The following USO1 variants were observed in gnomAD, a reference collection of about 807,000 sequenced individuals.
The protein encoded by USO1 is USO1 vesicle transport factor, also known as general vesicular transport factor p115.
Under a neutral mutation model 124.5 loss-of-function variants are expected in USO1, and 57 were observed. That is an observed-to-expected ratio of 0.46 (90% CI 0.37 to 0.57). The LOEUF (loss-of-function observed/expected upper bound fraction) is 0.57. Ranked by LOEUF, USO1 falls within the 20% of genes least tolerant of loss-of-function variation. The pLI is 0.00. For synonymous variants in USO1, 369 were observed against 362.8 expected (o/e 1.02, Z -0.19); for missense variants, 900 against 1,040.6 (o/e 0.86, Z 1.86).
At chr4:75,752,688 T>C (rs1301772790) in intron 3 of USO1, 84 bp downstream of exon 3, 3 of 374,574 alleles carry the variant, frequency 8.0e-6, no homozygotes, top group Non-Finnish European at 1.4e-5. Flanking sequence ...AAAAGATTGC[T>C]TTTTTTTTGG....
At chr4:75,734,499 G>A (rs1232703201) in intron 1 of USO1, among the ~76,000 whole-genome samples, 1 of 152,002 alleles carries the variant, frequency 6.6e-6, no homozygotes, top group South Asian at 2.1e-4. Flanking sequence ...CTCCATGTCT[G>A]TAATAGGCTG....
chr4:75,794,050 GA>G, intron 13 of USO1, 149 bp downstream of exon 13: 1 of 1,283,054 alleles, frequency 7.8e-7, no homozygotes. Flanking sequence ...GTTTTGTGGA[GA>G]AAAAGCAATA....
At chr4:75,784,970 A>G (rs1174650505) in intron 9 of USO1, among the ~76,000 whole-genome samples, 1 of 152,168 alleles carries the variant, frequency 6.6e-6, no homozygotes, top group Non-Finnish European at 1.5e-5. Flanking sequence ...GAAGACCGTA[A>G]ACTCCAAAGC....
At chr4:75,741,128 A>G (rs564365277) in intron 1 of USO1, among the ~76,000 whole-genome samples, 7 of 152,286 alleles carry the variant, frequency 4.6e-5, no homozygotes, top group South Asian at 4.1e-4. Flanking sequence ...GGTGTAGCCT[A>G]TTGCTCTTGG....
At chr4:75,775,389 A>G (rs1187741441) in intron 8 of USO1, among the ~76,000 whole-genome samples, 1 of 152,150 alleles carries the variant, frequency 6.6e-6, no homozygotes, top group Non-Finnish European at 1.5e-5. Context: ...AAATACAAAA[A>G]TTAGCTGGGC....
intron 1 of USO1, among the ~76,000 whole-genome samples, chr4:75,732,693 A>G (rs1263222720): frequency 1.3e-5 from 2 of 151,570 alleles, no homozygotes; most frequent in Admixed American, 6.6e-5. Context: ...CCTGGCCAAC[A>G]TGGTGAAACC....
chr4:75,751,185 ATTATTTTATT>A (rs1236361958), intron 1 of USO1, among the ~76,000 whole-genome samples: 3 of 150,660 alleles, frequency 2.0e-5, no homozygotes, highest in Non-Finnish European at 3.0e-5. Context: ...GTTTCTATAA[ATTATTTTATT>A]TTATTTTATT....
chr4:75,745,347 T>C, intron 1 of USO1: 2 of 520,058 alleles, frequency 3.8e-6, no homozygotes, highest in South Asian at 1.4e-5. Context: ...TCAGGGTGTT[T>C]AGTAGACAGT....
intron 1 of USO1, among the ~76,000 whole-genome samples, chr4:75,749,244 A>G (rs1721226944): frequency 6.6e-6 from 1 of 152,190 alleles, no homozygotes; most frequent in African/African-American, 2.4e-5. Context: ...GAATCTATTA[A>G]TATCTTCTGG....
At chr4:75,772,697 T>G (rs879128973) in intron 7 of USO1, among the ~76,000 whole-genome samples, 1 of 152,194 alleles carries the variant, frequency 6.6e-6, no homozygotes, top group Admixed American at 6.5e-5. Flanking sequence ...TGTCCTGCAA[T>G]TTAAATAAGA....
At chr4:75,761,312 T>A (rs1272150090) in intron 4 of USO1, among the ~76,000 whole-genome samples, 1 of 152,144 alleles carries the variant, frequency 6.6e-6, no homozygotes, top group Non-Finnish European at 1.5e-5. Flanking sequence ...CTTGGGAGAC[T>A]AAAGTGGGAA....
At chr4:75,799,833 C>A in intron 14 of USO1, 101 bp downstream of exon 14, 1 of 1,366,632 alleles carries the variant, frequency 7.3e-7, no homozygotes, top group Non-Finnish European at 1.0e-6. Flanking sequence ...TTTGAATTCT[C>A]CACTATCTTA....
intron 4 of USO1, among the ~76,000 whole-genome samples, chr4:75,759,698 C>T (rs1208224898): frequency 6.6e-6 from 1 of 151,288 alleles, no homozygotes; most frequent in South Asian, 2.1e-4. Flanking sequence ...CACCTGAGGT[C>T]AGGAGTTCAA....
chr4:75,758,256 A>G (rs1206709842), intron 4 of USO1, among the ~76,000 whole-genome samples: 2 of 152,196 alleles, frequency 1.3e-5, no homozygotes, highest in Non-Finnish European at 2.9e-5. Context: ...ACATTTCACA[A>G]TTCTGTTGAA....
rs544984728 is a variant in USO1, at chr4:75,805,212, G to T, written c.2198G>T (p.Gly733Val). Residue 733 changes from glycine to valine, a missense_variant, in exon 19 of 24, where the codon GGT (glycine) becomes GTT (valine). By Grantham distance (109) the Gly-to-Val change is moderately radical. Coordinates refer to ENST00000514213, the MANE Select transcript of USO1 (RefSeq NM_003715.4). ...AATGGCATTCAGCCAGAAGAAATTGGTAGATTGCGAGAAGAGATAGAAGAA... is the reference window on the plus strand; with the variant it reads ...AATGGCATTCAGCCAGAAGAAATTGTTAGATTGCGAGAAGAGATAGAAGAA... ...QMNGIQPEEI[G>V]RLREEIEELK... 1 of 1,613,334 alleles carries T rather than the reference G, an allele frequency of 6.2e-7. No individual in the cohort carries two copies. The highest frequency in any genetic ancestry group is 8.5e-7 in the Non-Finnish European group (1 of 1,179,538).
At chr4:75,806,359 A>T (rs771132800) in intron 19 of USO1, 127 bp from the exon 20 acceptor site, 4 of 1,180,850 alleles carry the variant, frequency 3.4e-6, no homozygotes, top group African/African-American at 3.2e-5. Context: ...GGGCATAAAA[A>T]TTAAAAGGTT....
chr4:75,731,314 C>T (rs980474562), intron 1 of USO1, among the ~76,000 whole-genome samples: 8 of 152,182 alleles, frequency 5.3e-5, no homozygotes, highest in Non-Finnish European at 7.3e-5. Context: ...GTAATCCCAG[C>T]ACTTTGGTAG....
chr4:75,774,318 A>G (rs945428962), intron 7 of USO1, among the ~76,000 whole-genome samples: 1 of 152,210 alleles, frequency 6.6e-6, no homozygotes, highest in Non-Finnish European at 1.5e-5. Flanking sequence ...GTTGTGAAGC[A>G]GGTACAGTGG....
intron 19 of USO1, among the ~76,000 whole-genome samples, chr4:75,805,902 T>C (rs1156318893): frequency 6.6e-6 from 1 of 152,194 alleles, no homozygotes; most frequent in Admixed American, 6.5e-5. Context: ...AGATGGAAAT[T>C]ATTTAATAAA....
Sources: gnomAD v4.1 joint callset for allele counts (sites outside exome capture counted in the v4.1 genomes callset) on GRCh38, gnomAD v4.1.1 for gene constraint, MANE v1.5 for transcripts, NCBI Gene and HGNC (gene_info 2026-07-23, HGNC 2026-07-21) for gene names.